The following RMST variants were observed in gnomAD, a reference collection of about 807,000 sequenced individuals.
RMST encodes rhabdomyosarcoma 2 associated transcript.
At chr12:97,527,168 G>C (rs1349743625) in intron 10 of RMST, among the ~76,000 whole-genome samples, 1 of 152,110 alleles carries the variant, frequency 6.6e-6, no homozygotes, top group East Asian at 1.9e-4. Flanking sequence ...AAGAGGGATA[G>C]GAAGGGCTGT....
At chr12:97,516,467 G>C (rs1043794163) in intron 10 of RMST, among the ~76,000 whole-genome samples, 37 of 151,952 alleles carry the variant, frequency 2.4e-4, no homozygotes, top group Non-Finnish European at 5.0e-4. Flanking sequence ...ATGTATATCA[G>C]TGGTGCTATT....
chr12:97,549,145 A>G (rs183811004), intron 11 of RMST, among the ~76,000 whole-genome samples: 1 of 152,316 alleles, frequency 6.6e-6, no homozygotes, highest in Admixed American at 6.5e-5. Flanking sequence ...CATCATTAGC[A>G]TTCAAACGAG....
At chr12:97,512,322 GATTT>G (rs912760488) in intron 10 of RMST, among the ~76,000 whole-genome samples, 1 of 152,186 alleles carries the variant, frequency 6.6e-6, no homozygotes, top group Non-Finnish European at 1.5e-5. Context: ...GCAGCAGCAA[GATTT>G]ATTGCAAAGA....
rs138719756 is a variant in RMST at position 97,552,823 on chromosome 12, A to G, written n.1546-7714A>G. ...GGTTCATTTTAGTGCCTCTCGAGTT[A>G]CAAGACAGCTTTGTTAGTAGAAGAG... On this transcript the variant is annotated intron_variant and non_coding_transcript_variant, in intron 11 of 13. Transcript: ENST00000640149. Among the ~76,000 whole-genome samples the G allele has an allele frequency of 6.3e-3, 961 of 152,316 alleles. 11 individuals carry two copies. Among genetic ancestry groups the G allele is most frequent in the African/African-American group, 0.02 (846 of 41,558 alleles).
intron 11 of RMST, among the ~76,000 whole-genome samples, chr12:97,531,809 A>G (rs1362610331): frequency 6.6e-6 from 1 of 151,778 alleles, no homozygotes; most frequent in African/African-American, 2.4e-5. Flanking sequence ...GCCCATTACT[A>G]TTGTCTTTTG....
chr12:97,507,268 G>C, intron 10 of RMST, among the ~76,000 whole-genome samples: 1 of 103,942 alleles, frequency 9.6e-6, no homozygotes, highest in South Asian at 2.8e-4. Flanking sequence ...TTTTTTTTTT[G>C]TTTTTGTCTT....
intron 10 of RMST, among the ~76,000 whole-genome samples, chr12:97,497,616 A>G (rs1208813259): frequency 1.3e-5 from 2 of 152,110 alleles, no homozygotes; most frequent in African/African-American, 4.8e-5. Flanking sequence ...TCTGGTTTTC[A>G]AAACCCTTTC....
At chr12:97,464,279 T>C (rs1430167751) in intron 4 of RMST, among the ~76,000 whole-genome samples, 1 of 152,164 alleles carries the variant, frequency 6.6e-6, no homozygotes, top group Admixed American at 6.5e-5. Flanking sequence ...AAACTTTCAT[T>C]TCCCACAATT....
chr12:97,506,501 T>C (rs1296324819), intron 10 of RMST, among the ~76,000 whole-genome samples: 5 of 152,144 alleles, frequency 3.3e-5, no homozygotes, highest in African/African-American at 1.2e-4. Flanking sequence ...ATTATCTGTC[T>C]TTTAGGACAT....
exon 4 of RMST, chr12:97,463,254 C>T (rs1356023121): frequency 3.3e-5 from 5 of 152,070 alleles, no homozygotes; most frequent in African/African-American, 7.2e-5. Flanking sequence ...CCGGAGGTGA[C>T]AACAATAACA....
chr12:97,557,231 A>G (rs112609407), intron 11 of RMST, among the ~76,000 whole-genome samples: 22 of 152,192 alleles, frequency 1.4e-4, no homozygotes, highest in African/African-American at 5.3e-4. Flanking sequence ...TTTGCAATGC[A>G]ACTTAATGTT....
chr12:97,534,379 C>T (rs1307713727), intron 11 of RMST, among the ~76,000 whole-genome samples: 1 of 151,630 alleles, frequency 6.6e-6, no homozygotes, highest in Non-Finnish European at 1.5e-5. Context: ...TCTTATTTTA[C>T]CTCTTAACAG....
chr12:97,502,782 C>G (rs1289791406), intron 10 of RMST, among the ~76,000 whole-genome samples: 1 of 152,178 alleles, frequency 6.6e-6, no homozygotes. Flanking sequence ...GTAGAACTGA[C>G]AAGCTCTGGC....
At chr12:97,525,981 A>G (rs1048434680) in intron 10 of RMST, among the ~76,000 whole-genome samples, 2 of 151,938 alleles carry the variant, frequency 1.3e-5, no homozygotes, top group Non-Finnish European at 2.9e-5. Context: ...TGCACTCCTT[A>G]TGAGAATCTA....
intron 11 of RMST, among the ~76,000 whole-genome samples, chr12:97,542,954 T>C (rs1435148850): frequency 6.6e-6 from 1 of 151,942 alleles, no homozygotes; most frequent in Non-Finnish European, 1.5e-5. Context: ...TCACTTGAGG[T>C]CTGCTGCTTT....
chr12:97,563,335 A>G (rs1884273788), intron 13 of RMST: 1 of 180,102 alleles, frequency 5.6e-6, no homozygotes, highest in Non-Finnish European at 1.2e-5. Flanking sequence ...TAACGCTTAC[A>G]TAGTCAAACA....
intron 10 of RMST, among the ~76,000 whole-genome samples, chr12:97,517,305 G>A (rs1482920312): frequency 6.6e-6 from 1 of 151,642 alleles, no homozygotes; most frequent in East Asian, 1.9e-4. Flanking sequence ...TTAAAATCTT[G>A]GGCAAGCATT....
chr12:97,517,000 T>C (rs1056452047), intron 10 of RMST, among the ~76,000 whole-genome samples: 9 of 152,010 alleles, frequency 5.9e-5, no homozygotes, highest in Non-Finnish European at 8.8e-5. Context: ...AATGATCAAG[T>C]ATCATAATTA....
chr12:97,547,077 T>G (rs1882994172), intron 11 of RMST, among the ~76,000 whole-genome samples: 1 of 151,774 alleles, frequency 6.6e-6, no homozygotes, highest in Admixed American at 6.6e-5. Context: ...CTTATTTCAC[T>G]TATTTCATTT....
Sources: allele counts gnomAD v4.1 joint callset (sites outside exome capture counted in the v4.1 genomes callset), GRCh38; gene constraint gnomAD v4.1.1; transcripts MANE v1.5; gene names NCBI Gene and HGNC (gene_info 2026-07-23, HGNC 2026-07-21).